The following EPB41L4A variants were observed in gnomAD, a reference collection of about 807,000 sequenced individuals.
EPB41L4A encodes band 4.1-like protein 4A.
A neutral mutation model predicts 108.6 loss-of-function variants in EPB41L4A; 100 were observed. The ratio of observed to expected loss-of-function variants is 0.92; its 90% CI spans 0.78 to 1.09. The LOEUF (loss-of-function observed/expected upper bound fraction) is 1.09. Among genes scored for constraint, EPB41L4A ranks in the 50% least tolerant of loss-of-function variants. The pLI, the probability that EPB41L4A is intolerant of heterozygous loss-of-function variation, is 0.00. For missense variants in EPB41L4A, 1,030 were observed against 842.7 expected (o/e 1.22, Z -2.75); for synonymous variants, 319 against 289.0 (o/e 1.10, Z -1.05).
At chr5:112,145,311 T>A (rs1417839435) in intron 13 of EPB41L4A, among the ~76,000 whole-genome samples, 1 of 152,180 alleles carries the variant, frequency 6.6e-6, no homozygotes, top group African/African-American at 2.4e-5. Flanking sequence ...CTTAATTTGA[T>A]AACGGAGATT....
At chr5:112,203,839 C>T (rs1762335521) in intron 15 of EPB41L4A, among the ~76,000 whole-genome samples, 3 of 151,804 alleles carry the variant, frequency 2.0e-5, no homozygotes, top group Admixed American at 2.0e-4. Context: ...GTTGGGAGTT[C>T]GAGACCAGCC....
intron 1 of EPB41L4A, among the ~76,000 whole-genome samples, chr5:112,317,903 C>T (rs1199386916): frequency 6.6e-6 from 1 of 152,072 alleles, no homozygotes; most frequent in Non-Finnish European, 1.5e-5. Flanking sequence ...AAAGTTCTTC[C>T]AGGTCCTCAA....
intron 9 of EPB41L4A, among the ~76,000 whole-genome samples, chr5:112,254,079 A>G (rs559088754): frequency 2.6e-5 from 4 of 152,280 alleles, no homozygotes; most frequent in Admixed American, 2.6e-4. Flanking sequence ...ACACGGGGTA[A>G]CTTTAGCTGA....
At chr5:112,197,928 A>G (rs1762039627) in intron 15 of EPB41L4A, among the ~76,000 whole-genome samples, 1 of 152,326 alleles carries the variant, frequency 6.6e-6, no homozygotes. Context: ...ACAAACAATT[A>G]TGGTTATCTG....
At chr5:112,258,598 C>T (rs759688987) in intron 9 of EPB41L4A, among the ~76,000 whole-genome samples, 2 of 152,182 alleles carry the variant, frequency 1.3e-5, no homozygotes, top group Non-Finnish European at 2.9e-5. Context: ...CAAAAGGAAG[C>T]TTTCACATCC....
intron 3 of EPB41L4A, 69 bp downstream of exon 3, chr5:112,280,202 AC>A (rs1488981645): frequency 1.5e-6 from 2 of 1,352,512 alleles, no homozygotes; most frequent in East Asian, 2.3e-5. Flanking sequence ...CCACTTCTGC[AC>A]CCAACTAATC....
chr5:112,255,393 G>C (rs752095966), intron 9 of EPB41L4A, among the ~76,000 whole-genome samples: 1 of 152,092 alleles, frequency 6.6e-6, no homozygotes, highest in Non-Finnish European at 1.5e-5. Context: ...TTACGTAAGT[G>C]CTGCACAGAA....
At chr5:112,229,605 T>C (rs1172035356) in intron 12 of EPB41L4A, among the ~76,000 whole-genome samples, 1 of 152,100 alleles carries the variant, frequency 6.6e-6, no homozygotes, top group Non-Finnish European at 1.5e-5. Context: ...ATATCATTCT[T>C]ATGCCTTTGT....
intron 1 of EPB41L4A, among the ~76,000 whole-genome samples, chr5:112,330,893 G>A (rs1398851804): frequency 6.6e-6 from 1 of 152,188 alleles, no homozygotes. Context: ...AGTGTGGACA[G>A]GGTGAGGAGG....
At chr5:112,300,975 T>C (rs939323037) in intron 2 of EPB41L4A, among the ~76,000 whole-genome samples, 2 of 152,178 alleles carry the variant, frequency 1.3e-5, no homozygotes, top group African/African-American at 4.8e-5. Flanking sequence ...TCTCTAAGTG[T>C]GTCCTTTATT....
At chr5:112,378,517 T>C (rs949388270) in intron 1 of EPB41L4A, among the ~76,000 whole-genome samples, 3 of 152,162 alleles carry the variant, frequency 2.0e-5, no homozygotes, top group Non-Finnish European at 4.4e-5. Context: ...TAGAGAAAGT[T>C]TCCCAGACAT....
intron 1 of EPB41L4A, among the ~76,000 whole-genome samples, chr5:112,405,950 G>C (rs1235554111): frequency 1.3e-5 from 2 of 152,142 alleles, no homozygotes; most frequent in Non-Finnish European, 2.9e-5. Flanking sequence ...AATAAGCTCT[G>C]AATATATTCT....
chr5:112,170,288 GA>G lies in EPB41L4A; in HGVS notation c.1739+12del. The G allele has an allele frequency of 6.2e-7, 1 of 1,611,492 alleles. No individual in the cohort carries two copies. Among genetic ancestry groups the G allele is most frequent in the Non-Finnish European group, 8.5e-7 (1 of 1,178,360 alleles). The stretch of plus-strand genomic sequence containing the variant: ...AATAAAGCTTTGGTGAGAAGATTCT[GA>G]AAGGCACTCACTCTATTTTAGTGTA... On this transcript the variant is annotated intron_variant, in intron 20 of 22. Coordinates refer to ENST00000261486, the MANE Select transcript of EPB41L4A (RefSeq NM_022140.5).
chr5:112,297,879 T>G (rs532724672), intron 2 of EPB41L4A, among the ~76,000 whole-genome samples: 1 of 152,230 alleles, frequency 6.6e-6, no homozygotes, highest in South Asian at 2.1e-4. Flanking sequence ...TTGCCAATTA[T>G]CCCAGCACCA....
rs532102187 is a variant in EPB41L4A, at chr5:112,164,877, C to T, written c.*113G>A. 98 of 1,049,714 alleles carry T rather than the reference C, an allele frequency of 9.3e-5. No individual in the cohort carries two copies. The South Asian group carries it at 2.1e-3, about 22-fold the overall frequency. The allele number at this position is 1,049,714 out of a possible 1,614,324, so 65.0% of individuals were successfully genotyped here. On this transcript the variant is annotated 3_prime_UTR_variant, in exon 23 of 23. Coordinates refer to ENST00000261486, the MANE Select transcript of EPB41L4A (RefSeq NM_022140.5). ...GCAAAAGATAATGTATTTTCTCATG[C>T]TGAAGAAATACTTGCAGGTCTGAGA...
intron 1 of EPB41L4A, among the ~76,000 whole-genome samples, chr5:112,383,737 A>G (rs1168231103): frequency 6.6e-6 from 1 of 152,098 alleles, no homozygotes; most frequent in Non-Finnish European, 1.5e-5. Context: ...AATCAATAAA[A>G]TGGGGGTGGG....
chr5:112,360,618 C>T (rs1045436621), intron 1 of EPB41L4A, among the ~76,000 whole-genome samples: 1 of 152,160 alleles, frequency 6.6e-6, no homozygotes, highest in Admixed American at 6.5e-5. Context: ...GATCTCGGCT[C>T]GCTACAACCT....
intron 1 of EPB41L4A, among the ~76,000 whole-genome samples, chr5:112,377,443 G>C (rs1202934645): frequency 6.6e-6 from 1 of 152,060 alleles, no homozygotes. Flanking sequence ...GAAATGAAAG[G>C]TTACTGGCCC....
Position 112,264,961 on chromosome 5 carries a change from G to A in EPB41L4A, c.489C>T (p.Tyr163=), listed in dbSNP as rs772027783. 6.2e-7 allele frequency: 1 copy of A among 1,611,348 alleles called. No individual in the cohort carries two copies. The highest frequency in any genetic ancestry group is 1.1e-5 in the South Asian group (1 of 90,746). ...CTTCCTTCTGATCAGGAACAAACCG[G>A]TACTCAGATACATATCCTGCAGTAT... ...YKHTAGYVSE[Y]RFVPDQKEEL... is the part of the protein sequence containing the mutation. Residue 163 remains tyrosine (Y), a synonymous_variant, in exon 6 of 23, where the codon TAC becomes TAT. Coordinates refer to ENST00000261486, the MANE Select transcript of EPB41L4A (RefSeq NM_022140.5).
Sources: gnomAD v4.1 joint callset for allele counts (sites outside exome capture counted in the v4.1 genomes callset) on GRCh38, gnomAD v4.1.1 for gene constraint, MANE v1.5 for transcripts, NCBI Gene and HGNC (gene_info 2026-07-23, HGNC 2026-07-21) for gene names.